Variants in CTDSPL observed in about 807,000 individuals in gnomAD.
CTDSPL encodes the protein CTD small phosphatase like, also known as CTD small phosphatase-like protein.
A neutral mutation model predicts 30.5 loss-of-function variants in CTDSPL; 8 were observed. The observed-to-expected ratio is 0.26, with a 90% CI of 0.15 to 0.47. The LOEUF (loss-of-function observed/expected upper bound fraction) is 0.47, where lower values mean the gene tolerates loss of function less well. Among genes scored for constraint, CTDSPL ranks in the 20% least tolerant of loss-of-function variants. The probability of loss-of-function intolerance (pLI) is 0.99; values close to 1 mark genes in which losing one functional copy is unlikely to be tolerated. For missense variants in CTDSPL, 248 were observed against 366.1 expected (o/e 0.68, Z 2.63); for synonymous variants, 110 against 137.9 (o/e 0.80, Z 1.42).
intron 1 of CTDSPL, among the ~76,000 whole-genome samples, chr3:37,882,531 C>T (rs1481566700): frequency 6.6e-6 from 1 of 151,468 alleles, no homozygotes; most frequent in Admixed American, 6.6e-5. Flanking sequence ...GCAGGAGAAT[C>T]GCTTGAACCC....
In CTDSPL at chr3:37,866,452, G is replaced by A. The variant is rs1027437439; in HGVS notation, c.79+4174G>A. On this transcript the variant is annotated intron_variant, in intron 1 of 7. Coordinates refer to ENST00000273179, the MANE Select transcript of CTDSPL (RefSeq NM_001008392.2). ...GACAACAAAGATTCCTCTAGGGAGA[G>A]GAAACTTTGCCTTTTGTTTAAATAT... Among the ~76,000 whole-genome samples, 23 of 152,032 alleles carry A rather than the reference G, an allele frequency of 1.5e-4. 1 individual carries two copies. Among genetic ancestry groups the A allele is most frequent in the Admixed American group, 1.5e-3 (23 of 15,270 alleles).
At chr3:37,972,094 C>T (rs941971630) in intron 6 of CTDSPL, among the ~76,000 whole-genome samples, 3 of 152,182 alleles carry the variant, frequency 2.0e-5, no homozygotes, top group Non-Finnish European at 4.4e-5. Flanking sequence ...GTGTCTGGCT[C>T]ACATACAGCA....
chr3:37,910,477 A>G (rs983098893), intron 1 of CTDSPL, among the ~76,000 whole-genome samples: 2 of 152,158 alleles, frequency 1.3e-5, no homozygotes, highest in African/African-American at 2.4e-5. Flanking sequence ...ACAAAACTCT[A>G]TCTCAGAACA....
intron 6 of CTDSPL, among the ~76,000 whole-genome samples, chr3:37,974,757 T>A (rs1475457156): frequency 6.6e-6 from 1 of 152,168 alleles, no homozygotes; most frequent in Non-Finnish European, 1.5e-5. Flanking sequence ...TGGGCATCTA[T>A]GGGAGTGGAC....
At position 37,883,064 on chromosome 3, in the gene CTDSPL, A is replaced by G. The variant is rs77090674; in HGVS notation, c.79+20786A>G. ...GATTTGCCAGTTCTACCTTGTTATC[A>G]TGGGAATTTATTTTGGGAATAAAGA... On this transcript the variant is annotated intron_variant, in intron 1 of 7. Transcript: ENST00000273179. Among the ~76,000 whole-genome samples the G allele has an allele frequency of 1.1e-3, 168 of 152,356 alleles. 1 individual carries two copies. Among genetic ancestry groups the G allele is most frequent in the African/African-American group, 3.8e-3 (157 of 41,590 alleles).
chr3:37,971,306 A>T, intron 5 of CTDSPL, 101 bp from the exon 6 acceptor site: 2 of 1,025,746 alleles, frequency 1.9e-6, no homozygotes, highest in Non-Finnish European at 2.9e-6. Context: ...GGAGGGAGGC[A>T]GGAACCTTTG....
intron 1 of CTDSPL, among the ~76,000 whole-genome samples, chr3:37,905,904 C>T (rs1411470847): frequency 6.6e-6 from 1 of 152,206 alleles, no homozygotes; most frequent in East Asian, 1.9e-4. Context: ...AGAAGATACT[C>T]TCAAATCCAA....
intron 1 of CTDSPL, among the ~76,000 whole-genome samples, chr3:37,905,791 T>C (rs1575291529): frequency 6.6e-6 from 1 of 152,210 alleles, no homozygotes; most frequent in African/African-American, 2.4e-5. Context: ...AACTGTACCA[T>C]GGAGAAGTAG....
At chr3:37,911,105 C>T (rs1208431588) in intron 1 of CTDSPL, among the ~76,000 whole-genome samples, 1 of 152,190 alleles carries the variant, frequency 6.6e-6, no homozygotes, top group East Asian at 1.9e-4. Context: ...TGTGCACATG[C>T]GGTCATTTAA....
intron 1 of CTDSPL, among the ~76,000 whole-genome samples, chr3:37,897,821 A>G (rs1008360698): frequency 2.0e-5 from 3 of 152,180 alleles, no homozygotes; most frequent in Non-Finnish European, 4.4e-5. Flanking sequence ...GAAAAACAGA[A>G]AGAAAAGTAG....
chr3:37,899,438 A>G (rs1698424269), intron 1 of CTDSPL, among the ~76,000 whole-genome samples: 1 of 152,200 alleles, frequency 6.6e-6, no homozygotes, highest in Admixed American at 6.5e-5. Flanking sequence ...GGTTCAAGGA[A>G]AGCCCCATGT....
intron 6 of CTDSPL, 93 bp downstream of exon 6, chr3:37,971,592 TG>T: frequency 2.6e-6 from 3 of 1,159,592 alleles, no homozygotes; most frequent in Non-Finnish European, 2.5e-6. Flanking sequence ...TTTGTTTTGG[TG>T]GGGGAAGCCA....
intron 1 of CTDSPL, among the ~76,000 whole-genome samples, chr3:37,909,040 G>A (rs1440905655): frequency 6.6e-6 from 1 of 152,136 alleles, no homozygotes; most frequent in Non-Finnish European, 1.5e-5. Flanking sequence ...TTTACATAAA[G>A]TGTTTTTCTT....
chr3:37,915,041 T>G (rs761829573), intron 1 of CTDSPL, among the ~76,000 whole-genome samples: 2 of 151,994 alleles, frequency 1.3e-5, no homozygotes, highest in Non-Finnish European at 2.9e-5. Flanking sequence ...TGAGCTGCCA[T>G]GCCCAGCCAG....
In CTDSPL at chr3:37,975,962, A is replaced by G. The variant is rs1699422775; in HGVS notation, c.705+68A>G. On this transcript the variant is annotated intron_variant, in intron 7 of 7. Transcript: ENST00000273179. The surrounding 1 kb of genome is among the most constrained non-coding windows in gnomAD (Gnocchi z 4.9). ...CCCTCTGTCTTGCCAGGCAGGTACC[A>G]CTTTTGAGCACCTACACAAGAAGGT... The G allele has an allele frequency of 6.6e-7, 1 of 1,504,454 alleles. No individual in the cohort carries two copies. The highest frequency in any genetic ancestry group is 9.1e-7 in the Non-Finnish European group (1 of 1,102,684). 93.2% of individuals were successfully genotyped at this position (1,504,454 alleles called of 1,614,324 possible).
At chr3:37,922,433 T>C (rs963883069) in intron 1 of CTDSPL, among the ~76,000 whole-genome samples, 4 of 152,080 alleles carry the variant, frequency 2.6e-5, no homozygotes, top group East Asian at 1.9e-4. Context: ...AGGCCCCCAA[T>C]TGAGGGACAG....
At chr3:37,906,946 T>C (rs1698522745) in intron 1 of CTDSPL, among the ~76,000 whole-genome samples, 1 of 152,218 alleles carries the variant, frequency 6.6e-6, no homozygotes, top group Admixed American at 6.5e-5. Flanking sequence ...ACTGCTTTGT[T>C]GAATGTAAAA....
At chr3:37,943,059 T>C (rs556320307) in intron 1 of CTDSPL, among the ~76,000 whole-genome samples, 2 of 150,204 alleles carry the variant, frequency 1.3e-5, no homozygotes, top group East Asian at 1.9e-4. Context: ...AACAACTTAA[T>C]GAGGGAAAAG....
intron 1 of CTDSPL, among the ~76,000 whole-genome samples, chr3:37,927,948 T>C (rs9822761): frequency 0.27 from 41,752 of 151,914 alleles, 7,444 homozygotes; most frequent in African/African-American, 0.5. Flanking sequence ...CAGTATTTGT[T>C]CTGTGACTGG....
Sources: gnomAD v4.1 joint callset for allele counts (sites outside exome capture counted in the v4.1 genomes callset) on GRCh38, gnomAD v4.1.1 for gene constraint, Gnocchi (gnomAD v3.1) non-coding constraint, MANE v1.5 for transcripts, NCBI Gene and HGNC (gene_info 2026-07-23, HGNC 2026-07-21) for gene names.